The following VTI1A variants were observed in gnomAD, a reference collection of about 807,000 sequenced individuals.
VTI1A encodes the protein vesicle transport through interaction with t-SNAREs homolog 1A.
A neutral mutation model predicts 34.9 loss-of-function variants in VTI1A; 22 were observed. The ratio of observed to expected loss-of-function variants is 0.63; its 90% CI spans 0.45 to 0.90. VTI1A has a LOEUF of 0.90. Ranked by LOEUF, VTI1A falls within the 40% of genes least tolerant of loss-of-function variation. VTI1A has a pLI of 0.00. For synonymous variants in VTI1A, 87 were observed against 97.3 expected (o/e 0.89, Z 0.62); for missense variants, 268 against 275.6 (o/e 0.97, Z 0.20).
At chr10:112,529,178 A>G (rs968888111) in intron 4 of VTI1A, among the ~76,000 whole-genome samples, 2 of 152,144 alleles carry the variant, frequency 1.3e-5, no homozygotes, top group African/African-American at 2.4e-5. Context: ...GAGAATATGT[A>G]CTGTTAGATT....
rs566528457 is a variant in VTI1A at position 112,554,610 on chromosome 10, C to T, written c.427+16280C>T. On this transcript the variant is annotated intron_variant, in intron 5 of 7. Coordinates refer to ENST00000393077, the MANE Select transcript of VTI1A (RefSeq NM_145206.4). ...CAGTAGTCTTCATATTTATTGAGTACCCATCATGTAATATCATCATTGTTG... is the reference window on the plus strand; with the variant it reads ...CAGTAGTCTTCATATTTATTGAGTATCCATCATGTAATATCATCATTGTTG... Among the ~76,000 whole-genome samples, 269 of 152,118 alleles carry T rather than the reference C, an allele frequency of 1.8e-3. 2 individuals are homozygous for T. The highest frequency in any genetic ancestry group is 6.3e-3 in the African/African-American group (263 of 41,510).
intron 3 of VTI1A, among the ~76,000 whole-genome samples, chr10:112,468,687 A>G (rs558598386): frequency 2.0e-5 from 3 of 151,462 alleles, no homozygotes; most frequent in South Asian, 2.1e-4. Flanking sequence ...TACTCCCATA[A>G]CCTCCTCTGT....
At chr10:112,747,880 G>C (rs1401215070) in intron 7 of VTI1A, among the ~76,000 whole-genome samples, 3 of 152,168 alleles carry the variant, frequency 2.0e-5, no homozygotes, top group Admixed American at 6.5e-5. Context: ...AAGTTTCCAG[G>C]GTTGGCAGCC....
intron 5 of VTI1A, among the ~76,000 whole-genome samples, chr10:112,643,237 G>T (rs1373943698): frequency 6.8e-6 from 1 of 147,890 alleles, no homozygotes; most frequent in Non-Finnish European, 1.5e-5. Context: ...CTCAAGAAGT[G>T]ATCTGCTGGT....
intron 7 of VTI1A, among the ~76,000 whole-genome samples, chr10:112,730,836 G>C (rs1295167301): frequency 6.6e-6 from 1 of 152,002 alleles, no homozygotes; most frequent in East Asian, 1.9e-4. Flanking sequence ...AAAGACTAAA[G>C]ACCAGATACT....
intron 7 of VTI1A, among the ~76,000 whole-genome samples, chr10:112,712,948 G>T (rs1442475477): frequency 6.6e-6 from 1 of 152,146 alleles, no homozygotes; most frequent in East Asian, 1.9e-4. Context: ...CAAATGTGGG[G>T]AGGCCTCAGA....
intron 5 of VTI1A, among the ~76,000 whole-genome samples, chr10:112,664,688 T>C (rs1847580328): frequency 6.6e-6 from 1 of 152,172 alleles, no homozygotes; most frequent in Non-Finnish European, 1.5e-5. Flanking sequence ...TGCACGTGTG[T>C]TTCTCTATAA....
At chr10:112,804,600 C>T (rs1270714181) in intron 7 of VTI1A, among the ~76,000 whole-genome samples, 1 of 152,156 alleles carries the variant, frequency 6.6e-6, no homozygotes, top group East Asian at 1.9e-4. Context: ...CAGGTAAATA[C>T]CAGATTATGG....
the VTI1A span, among the ~76,000 whole-genome samples, chr10:112,842,908 T>C: frequency 3.4e-4 from 52 of 152,214 alleles, no homozygotes; most frequent in East Asian, 3.1e-3. Flanking sequence ...ATACAGGGAA[T>C]TGGATACTTA....
intron 5 of VTI1A, among the ~76,000 whole-genome samples, chr10:112,655,463 A>G (rs981577862): frequency 6.6e-6 from 1 of 152,168 alleles, no homozygotes; most frequent in Non-Finnish European, 1.5e-5. Flanking sequence ...CCTAGGATTC[A>G]GACCAAACAA....
intron 5 of VTI1A, among the ~76,000 whole-genome samples, chr10:112,547,135 C>T (rs1416839989): frequency 6.6e-6 from 1 of 151,828 alleles, no homozygotes; most frequent in Non-Finnish European, 1.5e-5. Flanking sequence ...CAAAAATTAG[C>T]TGTTCATAAT....
chr10:112,697,864 AC>A, intron 7 of VTI1A, among the ~76,000 whole-genome samples: 1 of 107,784 alleles, frequency 9.3e-6, no homozygotes, highest in Non-Finnish European at 1.9e-5. Flanking sequence ...ATTAGCATTT[AC>A]ATGTGTGTGT....
chr10:112,752,309 T>C (rs1590151948), intron 7 of VTI1A: 6 of 956,080 alleles, frequency 6.3e-6, no homozygotes, highest in South Asian at 9.7e-5. Flanking sequence ...TCTGTTGTCA[T>C]ACTGATTCCA....
intron 4 of VTI1A, among the ~76,000 whole-genome samples, chr10:112,528,576 T>C (rs1043284446): frequency 4.6e-5 from 7 of 152,146 alleles, no homozygotes; most frequent in African/African-American, 1.7e-4. Flanking sequence ...GATTAAATAA[T>C]GTGAGGATGA....
intron 5 of VTI1A, among the ~76,000 whole-genome samples, chr10:112,590,355 C>T (rs1011146044): frequency 6.6e-6 from 1 of 151,988 alleles, no homozygotes; most frequent in Non-Finnish European, 1.5e-5. Flanking sequence ...GATAGAATAT[C>T]CTCTCTATAT....
the VTI1A span, among the ~76,000 whole-genome samples, chr10:112,848,430 C>T: frequency 7.9e-5 from 12 of 152,278 alleles, no homozygotes; most frequent in Admixed American, 5.2e-4. Flanking sequence ...TTACAGATGA[C>T]CTGATGACAC....
intron 6 of VTI1A, 82 bp downstream of exon 6, chr10:112,668,370 A>G (rs1412743418): frequency 4.3e-6 from 6 of 1,404,080 alleles, no homozygotes; most frequent in East Asian, 2.4e-5. Flanking sequence ...AACAATAGCA[A>G]TTAGGTAGAT....
intron 7 of VTI1A, among the ~76,000 whole-genome samples, chr10:112,764,118 A>G (rs541189992): frequency 6.6e-5 from 10 of 152,304 alleles, no homozygotes; most frequent in African/African-American, 2.2e-4. Context: ...ACCTATAGCA[A>G]TGAGGATGGC....
intron 7 of VTI1A, among the ~76,000 whole-genome samples, chr10:112,678,494 A>T (rs1848104959): frequency 6.6e-6 from 1 of 152,188 alleles, no homozygotes; most frequent in Non-Finnish European, 1.5e-5. Flanking sequence ...AAATTAAGGG[A>T]GGGCTTTGGC....
Sources: allele counts gnomAD v4.1 joint callset (sites outside exome capture counted in the v4.1 genomes callset), GRCh38; gene constraint gnomAD v4.1.1; transcripts MANE v1.5; gene names NCBI Gene and HGNC (gene_info 2026-07-23, HGNC 2026-07-21).